Variants in TYRO3 observed in about 807,000 individuals in gnomAD.
The protein encoded by TYRO3 is TYRO3 protein tyrosine kinase.
In TYRO3, 38 loss-of-function variants were observed where a neutral mutation model predicts 95.2. That is an observed-to-expected ratio of 0.40 (90% confidence interval 0.31 to 0.52). The LOEUF is 0.52. Ranked by LOEUF, TYRO3 falls within the 20% of genes least tolerant of loss-of-function variation. The pLI is 0.56. For missense variants in TYRO3, 812 were observed against 1,116.4 expected (o/e 0.73, Z 3.89); for synonymous variants, 367 against 432.9 (o/e 0.85, Z 1.89).
intron 18 of TYRO3, 64 bp from the exon 19 acceptor site, chr15:41,577,822 A>C: frequency 1.3e-6 from 2 of 1,538,778 alleles, no homozygotes; most frequent in Non-Finnish European, 1.7e-6. Context: ...GTGCCATATG[A>C]TGAAGGGGCC....
chr15:41,571,644 T>G lies in TYRO3; in HGVS notation c.1710T>G (p.Ala570=). 5 of 1,613,928 alleles carry G rather than the reference T, an allele frequency of 3.1e-6. No homozygotes were observed. Among genetic ancestry groups the G allele is most frequent in the Non-Finnish European group, 4.2e-6 (5 of 1,179,810 alleles). The change falls in exon 14 of 19, where the codon GCT becomes GCG. Residue 570 remains alanine (A), a synonymous_variant. Coordinates refer to ENST00000263798, the MANE Select transcript of TYRO3 (RefSeq NM_006293.4). ...TTGAAGAGTTCCTCAGGGAAGCAGC[T>G]TGCATGAAGGAGTTTGACCATCCAC... ...SDIEEFLREA[A]CMKEFDHPHV...
intron 4 of TYRO3, among the ~76,000 whole-genome samples, chr15:41,562,999 G>T (rs2055677247): frequency 2.0e-5 from 3 of 152,152 alleles, no homozygotes; most frequent in Admixed American, 1.3e-4. Flanking sequence ...CCTCAGAGAT[G>T]AATTGTATGA....
chr15:41,559,364 C>T lies in TYRO3; in HGVS notation c.107C>T (p.Pro36Leu). 1 of 218,378 alleles carries T rather than the reference C, an allele frequency of 4.6e-6. No individual in the cohort carries two copies. The highest frequency in any genetic ancestry group is 9.5e-6 in the Non-Finnish European group (1 of 105,130). 13.5% of individuals were successfully genotyped at this position (218,378 alleles called of 1,614,324 possible). A position where few individuals can be genotyped will look rare whatever the true frequency, so the allele number is the denominator to read the frequency against. ...GCGGCTCTGGCTTCTCTGCTGCTCCCGGAGTCCGCCGCCGCAGGTAGGGGC... is the reference window on the plus strand; with the variant it reads ...GCGGCTCTGGCTTCTCTGCTGCTCCTGGAGTCCGCCGCCGCAGGTAGGGGC... ...LLAALASLLL[P>L]ESAAAGLKLM... Residue 36 changes from proline (P) to leucine (L), a missense_variant, in exon 1 of 19, where the codon CCG (proline) becomes CTG (leucine). By Grantham distance (98) the Pro-to-Leu change is moderately conservative. Coordinates refer to ENST00000263798, the MANE Select transcript of TYRO3 (RefSeq NM_006293.4).
chr15:41,571,029 G>T lies in TYRO3; in HGVS notation c.1580-9G>T. 1.5e-6 allele frequency: 2 copies of T among 1,329,052 alleles called. No individual in the cohort carries two copies. Among genetic ancestry groups the T allele is most frequent in the South Asian group, 2.3e-5 (2 of 86,112 alleles). 82.3% of individuals were successfully genotyped at this position (1,329,052 alleles called of 1,614,324 possible). On this transcript the variant is annotated splice_polypyrimidine_tract_variant and intron_variant, in intron 12 of 18. Coordinates refer to ENST00000263798, the MANE Select transcript of TYRO3 (RefSeq NM_006293.4). ...AAGGAGACTCTCCCTTACTTGGATT[G>T]GTTCCTAGGAGAGTTTGGTTCAGTG...
At chr15:41,569,947 C>A in intron 9 of TYRO3, 80 bp from the exon 10 acceptor site, 1 of 1,539,684 alleles carries the variant, frequency 6.5e-7, no homozygotes, top group Non-Finnish European at 8.7e-7. Flanking sequence ...CTTGAACCAG[C>A]TGGATGGCCA....
chr15:41,574,248 A>T (rs187575108), intron 18 of TYRO3, among the ~76,000 whole-genome samples: 1 of 152,218 alleles, frequency 6.6e-6, no homozygotes, highest in African/African-American at 2.4e-5. Context: ...AAAACTTCCT[A>T]GGCTGAGCTC....
chr15:41,565,582 C>CTTTTTTTTTTTTTTTTTTTT (rs71104798), intron 6 of TYRO3, among the ~76,000 whole-genome samples: 1 of 133,302 alleles, frequency 7.5e-6, no homozygotes, highest in Non-Finnish European at 1.6e-5. Context: ...GCCCAGCTAA[C>CTTTTTTTTTTTTTTTTTTTT]TTTTTTTTTT....
intron 4 of TYRO3, 83 bp downstream of exon 4, chr15:41,562,801 G>T: frequency 1.4e-6 from 2 of 1,429,960 alleles, no homozygotes; most frequent in Middle Eastern, 2.2e-4. Flanking sequence ...CAGCCACTGA[G>T]CTTGCGGTTG....
Position 41,571,623 on chromosome 15 carries a change from A to G in TYRO3, c.1689A>G (p.Glu563=), listed in dbSNP as rs1179917875. The stretch of plus-strand genomic sequence containing the variant: ...ACATCATTGCCTCAAGCGACATTGA[A>G]GAGTTCCTCAGGGAAGCAGCTTGCA... The part of the protein sequence containing the change: ...KADIIASSDI[E]EFLREAACMK... The change falls in exon 14 of 19, where the codon GAA becomes GAG. Residue 563 remains glutamate, a synonymous_variant. Coordinates refer to ENST00000263798, the MANE Select transcript of TYRO3 (RefSeq NM_006293.4). 1 of 1,613,836 alleles carries G rather than the reference A, an allele frequency of 6.2e-7. No individual in the cohort carries two copies. Among genetic ancestry groups the G allele is most frequent in the Admixed American group, 1.7e-5 (1 of 60,018 alleles).
intron 15 of TYRO3, among the ~76,000 whole-genome samples, 172 bp from the exon 16 acceptor site, chr15:41,572,830 G>A (rs1419490803): frequency 2.6e-5 from 4 of 152,184 alleles, no homozygotes; most frequent in African/African-American, 9.7e-5. Context: ...CGTCTTCCAG[G>A]CTCCCTCTTA....
At position 41,582,995 on chromosome 15, in the gene TYRO3, G is replaced by GTTTTTTTTTTTTTTTTTTTTTT. The variant is rs373111760; in HGVS notation, c.*4720_*4721insTTTTTTTTTTTTTTTTTTTTTT. On this transcript the variant is annotated 3_prime_UTR_variant, in exon 19 of 19. Transcript: ENST00000263798. ...GCCACTGCACCTGGCAAATTTTTAA[G>GTTTTTTTTTTTTTTTTTTTTTT]TGTTTTTTTTTTTTTTTAATACAGA... is the stretch of plus-strand genomic sequence containing the variant. The GTTTTTTTTTTTTTTTTTTTTTT allele has an allele frequency of 2.3e-5, 2 of 86,920 alleles. 1 individual carries two copies. The allele number at this position is 86,920 out of a possible 1,614,324, so 5.4% of individuals were successfully genotyped here. A position where few individuals can be genotyped will look rare whatever the true frequency, so the allele number is the denominator to read the frequency against.
chr15:41,565,582 CTT>C (rs71104798), intron 6 of TYRO3, among the ~76,000 whole-genome samples: 11 of 133,286 alleles, frequency 8.3e-5, no homozygotes, highest in Admixed American at 1.5e-4. Flanking sequence ...GCCCAGCTAA[CTT>C]TTTTTTTTTT....
Position 41,561,128 on chromosome 15 carries a change from T to C in TYRO3, c.126T>C (p.Gly42=), listed in dbSNP as rs768277176. 1 of 1,614,026 alleles carries C rather than the reference T, an allele frequency of 6.2e-7. No homozygotes were observed. ...SLLLPESAAA[G]LKLMGAPVKL... ...CACATGTTCCTTCCCACCCCTCAGG[T>C]CTGAAGCTCATGGGAGCCCCGGTGA... The change falls in exon 2 of 19, where the codon GGT becomes GGC. Residue 42 remains glycine (G), a splice_region_variant and synonymous_variant. Transcript: ENST00000263798.
rs2055887914 is a variant in TYRO3 at position 41,578,365 on chromosome 15, A to G, written c.*89A>G. On this transcript the variant is annotated 3_prime_UTR_variant, in exon 19 of 19. Transcript: ENST00000263798. The stretch of plus-strand genomic sequence containing the variant: ...AGCCCCGTCTGACCCCAGCCCAGAC[A>G]GCAAGGTGTGGAGGCTCCTGTGGTA... 1 of 1,529,138 alleles carries G rather than the reference A, an allele frequency of 6.5e-7. No individual in the cohort carries two copies. The highest frequency in any genetic ancestry group is 1.2e-5 in the South Asian group (1 of 81,142). The allele number at this position is 1,529,138 out of a possible 1,614,324, so 94.7% of individuals were successfully genotyped here.
At chr15:41,566,401 G>T (rs1437038250) in intron 6 of TYRO3, among the ~76,000 whole-genome samples, 1 of 148,290 alleles carries the variant, frequency 6.7e-6, no homozygotes, top group African/African-American at 2.5e-5. Flanking sequence ...CCGGGGCAAA[G>T]AGCCTACAGG....
In TYRO3 at chr15:41,581,057, G is replaced by A. The variant is rs2055917667; in HGVS notation, c.*2781G>A. On this transcript the variant is annotated 3_prime_UTR_variant, in exon 19 of 19. Coordinates refer to ENST00000263798, the MANE Select transcript of TYRO3 (RefSeq NM_006293.4). ...TCAAAAAAGTTTAGCCAGGCTTGGT[G>A]GCGCAGGTTTGTCATCTCAGCTACT... 1.3e-5 allele frequency: 2 copies of A among 153,256 alleles called. No individual in the cohort carries two copies. The highest frequency in any genetic ancestry group is 1.3e-4 in the Admixed American group (2 of 15,280). The allele number at this position is 153,256 out of a possible 1,614,324, so 9.5% of individuals were successfully genotyped here.
chr15:41,564,308 A>G, intron 5 of TYRO3, 38 bp downstream of exon 5: 3 of 1,586,436 alleles, frequency 1.9e-6, no homozygotes, highest in Middle Eastern at 1.7e-4. Flanking sequence ...GGATGAGGCC[A>G]GGGGCATTCC....
At chr15:41,573,849 A>G in intron 18 of TYRO3, 34 bp downstream of exon 18, 1 of 1,277,470 alleles carries the variant, frequency 7.8e-7, no homozygotes, top group Non-Finnish European at 1.1e-6. Context: ...CTGGAAGGAA[A>G]GGGGAATCTG....
At chr15:41,571,793 T>C in intron 14 of TYRO3, 106 bp downstream of exon 14, 1 of 674,204 alleles carries the variant, frequency 1.5e-6, no homozygotes, top group Non-Finnish European at 2.6e-6. Flanking sequence ...ATCTGGTAAA[T>C]AAATAGATGG....
Sources: gnomAD v4.1 joint callset for allele counts (sites outside exome capture counted in the v4.1 genomes callset) on GRCh38, gnomAD v4.1.1 for gene constraint, MANE v1.5 for transcripts, NCBI Gene and HGNC (gene_info 2026-07-23, HGNC 2026-07-21) for gene names.